Variants in ADGRL3 observed in about 807,000 individuals in gnomAD.
ADGRL3 encodes calcium-independent alpha-latrotoxin receptor 3.
ADGRL3 carries 62 observed loss-of-function variants against 153.5 expected under a neutral mutation model. That is an observed-to-expected ratio of 0.40 (90% CI 0.33 to 0.50). The LOEUF (loss-of-function observed/expected upper bound fraction) is 0.50, where lower values mean the gene tolerates loss of function less well. Among genes scored for constraint, ADGRL3 ranks in the 20% least tolerant of loss-of-function variants. The probability of loss-of-function intolerance (pLI) is 0.47; values close to 1 mark genes in which losing one functional copy is unlikely to be tolerated. For synonymous variants in ADGRL3, 710 were observed against 672.5 expected (o/e 1.06, Z -0.86); for missense variants, 1,641 against 1,859.4 (o/e 0.88, Z 2.16).
chr4:61,314,455 C>T (rs921795666), intron 1 of ADGRL3, among the ~76,000 whole-genome samples: 3 of 152,240 alleles, frequency 2.0e-5, no homozygotes, highest in African/African-American at 4.8e-5. Flanking sequence ...ATGATCCACC[C>T]GCTCGGCCTC....
In ADGRL3 at chr4:61,372,095, A is replaced by C. The variant is rs1269771820; in HGVS notation, c.-239-11029A>C. The stretch of plus-strand genomic sequence containing the variant: ...TTCAGCTCCATCAGCTCCTTTAAGC[A>C]CTTCTCTGTATTGGTTATTCTAGTT... On this transcript the variant is annotated intron_variant, in intron 1 of 26. Coordinates refer to ENST00000683033, the MANE Select transcript of ADGRL3 (RefSeq NM_001387552.1). Among the ~76,000 whole-genome samples, 11 of 152,026 alleles carry C rather than the reference A, an allele frequency of 7.2e-5. 1 individual carries two copies. In the East Asian group the frequency reaches 1.7e-3, roughly 24 times the overall value.
chr4:61,997,569 G>C (rs1431696517), intron 20 of ADGRL3, among the ~76,000 whole-genome samples: 2 of 152,094 alleles, frequency 1.3e-5, no homozygotes, highest in Non-Finnish European at 2.9e-5. Flanking sequence ...TGTGATATAT[G>C]AAGTTTACAT....
chr4:61,981,388 C>T (rs56040803), intron 18 of ADGRL3, among the ~76,000 whole-genome samples: 3,963 of 149,192 alleles, frequency 0.027, 79 homozygotes, highest in Non-Finnish European at 0.043. Flanking sequence ...ACCTGCAAAG[C>T]ATTTTTATTA....
intron 8 of ADGRL3, among the ~76,000 whole-genome samples, chr4:61,738,904 T>C (rs1026732456): frequency 6.6e-6 from 1 of 152,204 alleles, no homozygotes; most frequent in Non-Finnish European, 1.5e-5. Flanking sequence ...AAAAAAATCG[T>C]TAATTGGCCA....
rs542933866 is a variant in ADGRL3 at position 61,383,768 on chromosome 4, C to G, written c.-174+579C>G. ...TTTATCAGAAATATGTTTATGAAGT[C>G]CAGCATTTCAAGCAGTGTAACTTTA... On this transcript the variant is annotated intron_variant, in intron 2 of 26. Coordinates refer to ENST00000683033, the MANE Select transcript of ADGRL3 (RefSeq NM_001387552.1). Among the ~76,000 whole-genome samples the G allele has an allele frequency of 9.2e-5, 14 of 151,724 alleles. No homozygotes were observed. The East Asian group carries it at 2.7e-3, about 29-fold the overall frequency.
At chr4:61,277,148 A>G (rs2093501926) in intron 1 of ADGRL3, among the ~76,000 whole-genome samples, 1 of 152,164 alleles carries the variant, frequency 6.6e-6, no homozygotes, top group South Asian at 2.1e-4. Context: ...AGGGCCAGGC[A>G]TCTAAGTTCA....
At chr4:62,024,803 G>C (rs562501874) in intron 21 of ADGRL3, among the ~76,000 whole-genome samples, 1 of 151,768 alleles carries the variant, frequency 6.6e-6, no homozygotes, top group East Asian at 1.9e-4. Flanking sequence ...GGTGGTATGC[G>C]CCTGTATTCC....
At chr4:61,780,333 G>A (rs1341326245) in intron 8 of ADGRL3, among the ~76,000 whole-genome samples, 2 of 152,202 alleles carry the variant, frequency 1.3e-5, no homozygotes. Context: ...AATTAACACA[G>A]TGAGAAGAGC....
intron 8 of ADGRL3, among the ~76,000 whole-genome samples, chr4:61,774,826 G>A (rs2097129052): frequency 6.6e-6 from 1 of 152,142 alleles, no homozygotes. Flanking sequence ...GAAAAACCTG[G>A]TATGTGTACT....
chr4:61,977,251 T>G (rs1412574272), intron 17 of ADGRL3, among the ~76,000 whole-genome samples: 1 of 151,900 alleles, frequency 6.6e-6, no homozygotes, highest in African/African-American at 2.4e-5. Context: ...TCAGGTCTTT[T>G]GGATACATTT....
At chr4:61,581,934 C>A (rs182656505) in intron 4 of ADGRL3, among the ~76,000 whole-genome samples, 1 of 152,112 alleles carries the variant, frequency 6.6e-6, no homozygotes, top group East Asian at 1.9e-4. Context: ...TATGAAATAG[C>A]CTTCTAATTT....
intron 21 of ADGRL3, among the ~76,000 whole-genome samples, chr4:62,025,010 T>C (rs751040997): frequency 8.6e-5 from 13 of 151,926 alleles, no homozygotes; most frequent in Non-Finnish European, 1.6e-4. Flanking sequence ...AATATAATAA[T>C]ATAATTTCAG....
intron 11 of ADGRL3, among the ~76,000 whole-genome samples, chr4:61,902,165 C>G (rs890254471): frequency 6.6e-6 from 1 of 152,242 alleles, no homozygotes; most frequent in Non-Finnish European, 1.5e-5. Flanking sequence ...GCCATTACAG[C>G]TGGACAGAAA....
intron 4 of ADGRL3, among the ~76,000 whole-genome samples, chr4:61,577,347 A>C (rs765393873): frequency 6.6e-6 from 1 of 152,142 alleles, no homozygotes; most frequent in South Asian, 2.1e-4. Context: ...AAAATTTTGT[A>C]TAGTTTTAAC....
chr4:61,743,780 G>T (rs757287904), intron 8 of ADGRL3, among the ~76,000 whole-genome samples: 12 of 152,218 alleles, frequency 7.9e-5, no homozygotes, highest in Non-Finnish European at 1.5e-4. Flanking sequence ...CCCAGCGTGA[G>T]TGACGCAGAA....
At chr4:61,730,590 C>A (rs958692050) in intron 6 of ADGRL3, 32 bp from the exon 7 acceptor site, 1 of 491,060 alleles carries the variant, frequency 2.0e-6, no homozygotes, top group Non-Finnish European at 3.6e-6. Context: ...TCTCTTTTCT[C>A]CTTTCTCTCT....
intron 13 of ADGRL3, among the ~76,000 whole-genome samples, chr4:61,920,497 A>G (rs928146635): frequency 2.6e-5 from 4 of 152,208 alleles, no homozygotes; most frequent in Non-Finnish European, 5.9e-5. Flanking sequence ...TTTATCTAAT[A>G]TACGAATCTT....
intron 19 of ADGRL3, among the ~76,000 whole-genome samples, chr4:61,988,756 A>G (rs1266623867): frequency 6.6e-6 from 1 of 152,194 alleles, no homozygotes; most frequent in African/African-American, 2.4e-5. Flanking sequence ...AGTGGGTACC[A>G]GGAAAAGGGA....
At chr4:61,371,244 G>C (rs376331303) in intron 1 of ADGRL3, among the ~76,000 whole-genome samples, 1 of 151,122 alleles carries the variant, frequency 6.6e-6, no homozygotes, top group Non-Finnish European at 1.5e-5. Flanking sequence ...AAAGTTAATA[G>C]TGTTATGTGT....
Sources: allele counts gnomAD v4.1 joint callset (sites outside exome capture counted in the v4.1 genomes callset), GRCh38; gene constraint gnomAD v4.1.1; transcripts MANE v1.5; gene names NCBI Gene and HGNC (gene_info 2026-07-23, HGNC 2026-07-21).